Variants in RET observed in about 807,000 individuals in gnomAD.
RET encodes the protein proto-oncogene tyrosine-protein kinase receptor Ret.
Under a neutral mutation model 118.3 loss-of-function variants are expected in RET, and 19 were observed. That is an observed-to-expected ratio of 0.16 (90% CI 0.11 to 0.24). RET has a LOEUF of 0.24. Among genes scored for constraint, RET ranks in the 10% least tolerant of loss-of-function variants. The pLI, the probability that RET is intolerant of heterozygous loss-of-function variation, is 1.00. For synonymous variants in RET, 597 were observed against 644.1 expected (o/e 0.93, Z 1.11); for missense variants, 1,219 against 1,502.1 (o/e 0.81, Z 3.12).
At position 43,114,256 on chromosome 10, in the gene RET, T is replaced by G. The variant is rs1267341795; in HGVS notation, c.1880-224T>G. ...GCAGGCTGCTCAGCCTCTCTGAGCC[T>G]CTGTCTCCATCTGTAAGAGGGCAAT... On this transcript the variant is annotated intron_variant, in intron 10 of 19. Coordinates refer to ENST00000355710, the MANE Select transcript of RET (RefSeq NM_020975.6). This position sits in a 1 kb window ranked among gnomAD's most constrained non-coding sequence, Gnocchi z 4.6. 1.3e-5 allele frequency among the ~76,000 whole-genome samples: 2 copies of G among 152,168 alleles called. No homozygotes were observed. The highest frequency in any genetic ancestry group is 4.8e-5 in the African/African-American group (2 of 41,442).
chr10:43,114,383 G>A lies in RET; in HGVS notation c.1880-97G>A, dbSNP rs540847328. On this transcript the variant is annotated intron_variant, in intron 10 of 19. Transcript: ENST00000355710. This position sits in a 1 kb window ranked among gnomAD's most constrained non-coding sequence, Gnocchi z 4.6. Reference sequence around the variant, plus strand: ...GCCACTTCCCAGCTGGCGCGGACACGGCAGGCTGGAGAGCCATGAGGCAGA... The same window carrying A: ...GCCACTTCCCAGCTGGCGCGGACACAGCAGGCTGGAGAGCCATGAGGCAGA... 3.1e-5 allele frequency: 48 copies of A among 1,537,852 alleles called. No individual in the cohort carries two copies. The highest frequency in any genetic ancestry group is 4.6e-5 in the South Asian group (4 of 87,360).
At chr10:43,095,117 G>A in intron 1 of RET, among the ~76,000 whole-genome samples, 1 of 152,172 alleles carries the variant, frequency 6.6e-6, no homozygotes, top group East Asian at 1.9e-4. Context: ...GCCTGAGGGA[G>A]GAGCTGGATG....
chr10:43,117,951 C>T (rs1425415328), intron 12 of RET, among the ~76,000 whole-genome samples: 1 of 152,176 alleles, frequency 6.6e-6, no homozygotes, highest in Admixed American at 6.5e-5. Context: ...AGCCTGGTCG[C>T]GGTGTGTGGA....
At chr10:43,082,007 G>A (rs1837195520) in intron 1 of RET, among the ~76,000 whole-genome samples, 1 of 152,170 alleles carries the variant, frequency 6.6e-6, no homozygotes, top group African/African-American at 2.4e-5. Context: ...ACTTGGATTG[G>A]CGCTGAGACA....
Position 43,077,134 on chromosome 10 carries a change from G to C in RET, c.-125G>C, listed in dbSNP as rs1460088322. ...CCCCGGAACGTGCGTCGCGCCCCCA[G>C]TGTCCGTCGCGTCCGCCGCGCCCCG... On this transcript the variant is annotated 5_prime_UTR_variant, in exon 1 of 20. Transcript: ENST00000355710. The C allele has an allele frequency of 6.3e-6, 8 of 1,268,916 alleles. No individual in the cohort carries two copies. Among genetic ancestry groups the C allele is most frequent in the Admixed American group, 8.5e-5 (2 of 23,402 alleles). The allele number at this position is 1,268,916 out of a possible 1,614,324, so 78.6% of individuals were successfully genotyped here.
intron 18 of RET, 95 bp from the exon 19 acceptor site, chr10:43,126,480 G>A: frequency 8.8e-7 from 1 of 1,132,456 alleles, no homozygotes; most frequent in Non-Finnish European, 1.3e-6. Flanking sequence ...TGGAGACACA[G>A]CCAGAGCCTC....
Position 43,105,350 on chromosome 10 carries a change from G to A in RET, c.867+157G>A, listed in dbSNP as rs549798450. ...TCCGTCTGCGCCGTCTGTCCTAGGG[G>A]GAGGGGAAGGGGGAGTCCTGCCAGC... is the stretch of plus-strand genomic sequence containing the variant. On this transcript the variant is annotated intron_variant, in intron 4 of 19. Coordinates refer to ENST00000355710, the MANE Select transcript of RET (RefSeq NM_020975.6). Among the ~76,000 whole-genome samples, 16 of 152,266 alleles carry A rather than the reference G, an allele frequency of 1.1e-4. No homozygotes were observed. The South Asian group carries it at 3.3e-3, about 32-fold the overall frequency.
In RET at chr10:43,106,738, C is replaced by G. The variant is rs1376134450; in HGVS notation, c.1063+167C>G. Among the ~76,000 whole-genome samples the G allele has an allele frequency of 6.6e-6, 1 of 152,156 alleles. No individual in the cohort carries two copies. The highest frequency in any genetic ancestry group is 2.4e-5 in the African/African-American group (1 of 41,438). On this transcript the variant is annotated intron_variant, in intron 5 of 19. Coordinates refer to ENST00000355710, the MANE Select transcript of RET (RefSeq NM_020975.6). This position sits in a 1 kb window ranked among gnomAD's most constrained non-coding sequence, Gnocchi z 5.1. ...AGCACTTCCTGTGTCTCTGCCAGGC[C>G]TGCCCTCCAGCCACCAGCAGGGCTT...
At position 43,118,470 on chromosome 10, in the gene RET, C is replaced by A; in HGVS notation, c.2382C>A (p.Cys794Ter). 6.2e-7 allele frequency: 1 copy of A among 1,613,314 alleles called. No individual in the cohort carries two copies. The change falls in exon 13 of 20, where the codon TGC (cysteine) becomes TGA (stop). Residue 794 changes from cysteine to a stop codon, truncating the protein, a stop_gained. Coordinates refer to ENST00000355710, the MANE Select transcript of RET (RefSeq NM_020975.6). LOFTEE classifies it high-confidence loss of function. The part of the protein sequence containing the change: ...HPHVIKLYGA[C>*]SQDGPLLLIV... ...ATGTCATCAAATTGTATGGGGCCTGCAGCCAGGATGGTAAGGCCAGCTGCA... is the reference window on the plus strand; with the variant it reads ...ATGTCATCAAATTGTATGGGGCCTGAAGCCAGGATGGTAAGGCCAGCTGCA...
At chr10:43,108,609 G>A (rs368251668) in intron 5 of RET, among the ~76,000 whole-genome samples, 1 of 151,998 alleles carries the variant, frequency 6.6e-6, no homozygotes, top group African/African-American at 2.4e-5. Context: ...CAGTTGGTCC[G>A]GGGACTCAAG....
At chr10:43,107,623 ACT>A (rs1455465826) in intron 5 of RET, among the ~76,000 whole-genome samples, 2 of 151,306 alleles carry the variant, frequency 1.3e-5, no homozygotes, top group South Asian at 2.1e-4. Context: ...AAAAAACGAA[ACT>A]CTGTAAAACA....
At chr10:43,082,085 G>A (rs565734435) in intron 1 of RET, among the ~76,000 whole-genome samples, 44 of 152,218 alleles carry the variant, frequency 2.9e-4, no homozygotes, top group African/African-American at 9.6e-4. Flanking sequence ...CAGGGACCCC[G>A]CTCCCCTCCA....
At chr10:43,083,124 G>T (rs1391313330) in intron 1 of RET, among the ~76,000 whole-genome samples, 3 of 152,224 alleles carry the variant, frequency 2.0e-5, no homozygotes, top group Non-Finnish European at 4.4e-5. Flanking sequence ...GGGCTCATGG[G>T]CGCTTGGTGA....
chr10:43,103,322 G>A (rs1378119829), intron 3 of RET, among the ~76,000 whole-genome samples: 3 of 152,174 alleles, frequency 2.0e-5, no homozygotes, highest in Non-Finnish European at 4.4e-5. Context: ...AAGGTTCAGG[G>A]GCGAAGCTGG....
In RET at chr10:43,114,855, A is replaced by G. The variant is rs1019698389; in HGVS notation, c.2136+119A>G. 8.9e-7 allele frequency: 1 copy of G among 1,128,836 alleles called. No homozygotes were observed. 69.9% of individuals were successfully genotyped at this position (1,128,836 alleles called of 1,614,324 possible). On this transcript the variant is annotated intron_variant, in intron 11 of 19. Coordinates refer to ENST00000355710, the MANE Select transcript of RET (RefSeq NM_020975.6). This position sits in a 1 kb window ranked among gnomAD's most constrained non-coding sequence, Gnocchi z 4.6. Reference sequence around the variant, plus strand: ...AGGGGCTGCCAACGCTGGGCAGACGAGGCCTGTGTTCTGCCCCCATTTCCA... The same window carrying G: ...AGGGGCTGCCAACGCTGGGCAGACGGGGCCTGTGTTCTGCCCCCATTTCCA...
chr10:43,108,031 TA>T (rs948533448), intron 5 of RET, among the ~76,000 whole-genome samples: 15 of 147,274 alleles, frequency 1.0e-4, no homozygotes, highest in East Asian at 5.9e-4. Flanking sequence ...CTGGGTAACT[TA>T]AAAAAAAAAG....
intron 17 of RET, 28 bp downstream of exon 17, chr10:43,123,836 C>A (rs1261786472): frequency 6.2e-7 from 1 of 1,613,780 alleles, no homozygotes; most frequent in South Asian, 1.1e-5. Flanking sequence ...TTGGCCCAGC[C>A]TCACTTGGGA....
chr10:43,081,750 G>T (rs375719628), intron 1 of RET, among the ~76,000 whole-genome samples: 1 of 152,172 alleles, frequency 6.6e-6, no homozygotes, highest in Non-Finnish European at 1.5e-5. Context: ...AGGGGAGAAG[G>T]CCCCAGGCCC....
At chr10:43,121,901 G>A (rs1479145405) in intron 15 of RET, 45 bp from the exon 16 acceptor site, 2 of 1,466,500 alleles carry the variant, frequency 1.4e-6, no homozygotes, top group Admixed American at 1.7e-5. Flanking sequence ...CTCCTTCCTA[G>A]AGAGTTAGAG....
Sources: allele counts gnomAD v4.1 joint callset (sites outside exome capture counted in the v4.1 genomes callset), GRCh38; gene constraint gnomAD v4.1.1; non-coding constraint Gnocchi (gnomAD v3.1); transcripts MANE v1.5; gene names NCBI Gene and HGNC (gene_info 2026-07-23, HGNC 2026-07-21).